The following TNRC6C variants were observed in gnomAD, a reference collection of about 807,000 sequenced individuals.
TNRC6C encodes trinucleotide repeat-containing gene 6C protein.
In TNRC6C, 20 loss-of-function variants were observed where a neutral mutation model predicts 153.7. The ratio of observed to expected loss-of-function variants is 0.13; its 90% CI spans 0.09 to 0.19. The LOEUF (loss-of-function observed/expected upper bound fraction) is 0.19, where lower values mean the gene tolerates loss of function less well. TNRC6C is among the 10% of genes least tolerant of loss of function. The pLI is 1.00. For synonymous variants in TNRC6C, 811 were observed against 841.4 expected (o/e 0.96, Z 0.63); for missense variants, 1,987 against 2,172.0 (o/e 0.91, Z 1.69).
At chr17:78,103,262 G>A (rs376189252) in intron 18 of TNRC6C, among the ~76,000 whole-genome samples, 152 bp from the exon 22 acceptor site, 36 of 152,170 alleles carry the variant, frequency 2.4e-4, no homozygotes, top group African/African-American at 7.7e-4. Context: ...GATATAAAAC[G>A]TTAATGTTGT....
chr17:78,056,219 A>G (rs2072651336), intron 3 of TNRC6C, among the ~76,000 whole-genome samples: 1 of 151,238 alleles, frequency 6.6e-6, no homozygotes, highest in Non-Finnish European at 1.5e-5. Context: ...GTGCAGTGAC[A>G]CAATCTCGTC....
intron 1 of TNRC6C, among the ~76,000 whole-genome samples, chr17:78,013,896 C>G (rs1021423123): frequency 1.3e-5 from 2 of 152,168 alleles, no homozygotes; most frequent in South Asian, 2.1e-4. Context: ...GATTGGTTCA[C>G]TATGCGAGGC....
At chr17:78,073,174 G>T in intron 7 of TNRC6C, 80 bp downstream of exon 9, 11 of 1,264,850 alleles carry the variant, frequency 8.7e-6, no homozygotes, top group Non-Finnish European at 1.2e-5. Flanking sequence ...TGTAGTCATG[G>T]TTTAATGGTT....
chr17:77,977,158 ACTC>A (rs1472416347), intron 1 of TNRC6C, among the ~76,000 whole-genome samples: 1 of 151,770 alleles, frequency 6.6e-6, no homozygotes, highest in African/African-American at 2.4e-5. Context: ...TAGATTATAA[ACTC>A]CTTGAAGGCA....
intron 1 of TNRC6C, among the ~76,000 whole-genome samples, chr17:77,981,366 C>T (rs1033598052): frequency 2.0e-5 from 3 of 152,172 alleles, no homozygotes; most frequent in African/African-American, 7.2e-5. Context: ...GGCTGAAAGT[C>T]CTAACCTTCT....
intron 2 of TNRC6C, among the ~76,000 whole-genome samples, chr17:78,041,458 A>G (rs2072293696): frequency 6.6e-6 from 1 of 152,226 alleles, no homozygotes; most frequent in Non-Finnish European, 1.5e-5. Context: ...CTTAACCTTG[A>G]GGAAGCAATC....
chr17:77,970,276 C>T (rs1189139030), intron 1 of TNRC6C, among the ~76,000 whole-genome samples: 1 of 152,104 alleles, frequency 6.6e-6, no homozygotes, highest in Non-Finnish European at 1.5e-5. Context: ...GACAGGTTCT[C>T]ACTCTGTTGC....
chr17:77,957,768 A>T (rs2070819297), upstream of TNRC6C, among the ~76,000 whole-genome samples: 1 of 152,236 alleles, frequency 6.6e-6, no homozygotes, highest in Non-Finnish European at 1.5e-5. Flanking sequence ...CGAATTGCAC[A>T]TTGCGCCTGA....
chr17:78,009,861 G>T (rs562247157), intron 1 of TNRC6C, among the ~76,000 whole-genome samples: 1 of 148,936 alleles, frequency 6.7e-6, no homozygotes, highest in East Asian at 2.0e-4. Context: ...CCTGAATTAT[G>T]ATTTTTAAGT....
chr17:78,049,273 G>C lies in TNRC6C; in HGVS notation c.211G>C (p.Asp71His), dbSNP rs761674689. 6.2e-7 allele frequency: 1 copy of C among 1,612,624 alleles called. No homozygotes were observed. The highest frequency in any genetic ancestry group is 1.3e-5 in the African/African-American group (1 of 74,924). ...GGCTCACTGCTCTGTCAGTGGTGGG[G>C]ATGGAAAAATGGACACTATGATTGG... The change falls in exon 3 of 20, where the codon GAT (aspartate) becomes CAT (histidine). Residue 71 changes from aspartate to histidine, a missense_variant. Asp to His is a moderately conservative substitution (Grantham distance 81). Transcript: ENST00000301624. This position sits in a 1 kb window ranked among gnomAD's most constrained non-coding sequence, Gnocchi z 4.1.
chr17:78,068,047 G>A (rs2072918181), intron 5 of TNRC6C, 124 bp downstream of exon 7: 1 of 1,164,536 alleles, frequency 8.6e-7, no homozygotes, highest in African/African-American at 1.6e-5. Flanking sequence ...TAGGACCCTT[G>A]GAGGTCCCAG....
chr17:77,970,506 T>A (rs1475811905), intron 1 of TNRC6C, among the ~76,000 whole-genome samples: 1 of 152,196 alleles, frequency 6.6e-6, no homozygotes, highest in Non-Finnish European at 1.5e-5. Flanking sequence ...TACTTTGATA[T>A]CACAACTTTC....
intron 1 of TNRC6C, among the ~76,000 whole-genome samples, chr17:78,025,925 A>G (rs2071933473): frequency 6.6e-6 from 1 of 152,194 alleles, no homozygotes; most frequent in South Asian, 2.1e-4. Flanking sequence ...CTTCACTTCA[A>G]CCATAGGCTT....
At chr17:78,037,435 A>C (rs968325589) in intron 2 of TNRC6C, among the ~76,000 whole-genome samples, 1 of 152,252 alleles carries the variant, frequency 6.6e-6, no homozygotes, top group Non-Finnish European at 1.5e-5. Context: ...ATTGTAACAG[A>C]GATAAGCATA....
exon 15 of TNRC6C, chr17:78,093,119 C>A: frequency 6.2e-7 from 1 of 1,612,412 alleles, no homozygotes; most frequent in Non-Finnish European, 8.5e-7. Context: ...ATCAACTGGC[C>A]CCCAGGTAAG....
intron 1 of TNRC6C, among the ~76,000 whole-genome samples, chr17:78,010,838 T>C (rs892913023): frequency 6.6e-6 from 1 of 152,228 alleles, no homozygotes; most frequent in African/African-American, 2.4e-5. Flanking sequence ...ATTTTAAAAA[T>C]ATATAGGTTA....
At chr17:78,071,872 TC>T (rs2073003986) in intron 6 of TNRC6C, among the ~76,000 whole-genome samples, 1 of 152,190 alleles carries the variant, frequency 6.6e-6, no homozygotes, top group Non-Finnish European at 1.5e-5. Flanking sequence ...CCTACTTAGT[TC>T]CTAAGTTTCC....
chr17:77,961,812 A>G (rs1257780470), intron 1 of TNRC6C, among the ~76,000 whole-genome samples: 8 of 152,208 alleles, frequency 5.3e-5, no homozygotes, highest in Non-Finnish European at 1.5e-5. Flanking sequence ...ACTAAGTCAT[A>G]CAGAGGATAT....
At chr17:78,005,642 A>G (rs1598672392) in intron 1 of TNRC6C, among the ~76,000 whole-genome samples, 1 of 152,060 alleles carries the variant, frequency 6.6e-6, no homozygotes, top group Non-Finnish European at 1.5e-5. Flanking sequence ...TGAAAGCCAT[A>G]CTCCAAGCCT....
Sources: gnomAD v4.1 joint callset for allele counts (sites outside exome capture counted in the v4.1 genomes callset) on GRCh38, gnomAD v4.1.1 for gene constraint, Gnocchi (gnomAD v3.1) non-coding constraint, MANE v1.5 for transcripts, NCBI Gene and HGNC (gene_info 2026-07-23, HGNC 2026-07-21) for gene names.